The following SCHIP1 variants were observed in gnomAD, a reference collection of about 807,000 sequenced individuals.
SCHIP1 encodes schwannomin interacting protein 1, also known as schwannomin-interacting protein 1.
In SCHIP1, 8 loss-of-function variants were observed where a neutral mutation model predicts 29.7. The ratio of observed to expected loss-of-function variants is 0.27; its 90% CI spans 0.16 to 0.49. The LOEUF (loss-of-function observed/expected upper bound fraction) is 0.49. SCHIP1 is among the 20% of genes least tolerant of loss of function. The pLI is 0.99. For synonymous variants in SCHIP1, 76 were observed against 94.9 expected, an observed-to-expected ratio of 0.80 and a Z score of 1.16; for missense variants, 193 against 294.6, an observed-to-expected ratio of 0.66 and a Z score of 2.52.
the SCHIP1 span, among the ~76,000 whole-genome samples, chr3:159,627,055 G>A: frequency 1.3e-5 from 2 of 152,094 alleles, no homozygotes; most frequent in Admixed American, 6.6e-5. Flanking sequence ...ACGGGCCCCG[G>A]TGTGTGTTGT....
chr3:159,819,649 A>G, the SCHIP1 span, among the ~76,000 whole-genome samples: 2 of 152,242 alleles, frequency 1.3e-5, no homozygotes, highest in African/African-American at 4.8e-5. Flanking sequence ...TTCATAAGGA[A>G]TGTTTTCATA....
At chr3:159,747,450 T>C in the SCHIP1 span, among the ~76,000 whole-genome samples, 2 of 152,336 alleles carry the variant, frequency 1.3e-5, no homozygotes, top group South Asian at 4.1e-4. Flanking sequence ...TGTATTTACA[T>C]TCATTTATAT....
chr3:159,322,621 A>C, the SCHIP1 span, among the ~76,000 whole-genome samples: 13 of 152,334 alleles, frequency 8.5e-5, no homozygotes, highest in East Asian at 7.7e-4. Context: ...TTAGAAAGGA[A>C]TATCACTAGA....
chr3:159,605,989 A>G, the SCHIP1 span, among the ~76,000 whole-genome samples: 1 of 152,158 alleles, frequency 6.6e-6, no homozygotes, highest in African/African-American at 2.4e-5. Flanking sequence ...TCTTAAATCT[A>G]CACTACAGCT....
At chr3:159,652,281 T>C in the SCHIP1 span, among the ~76,000 whole-genome samples, 13 of 152,178 alleles carry the variant, frequency 8.5e-5, no homozygotes, top group Admixed American at 8.5e-4. Context: ...TAGTAAGGCA[T>C]TTTTTGCTAC....
At chr3:159,335,757 G>C in the SCHIP1 span, among the ~76,000 whole-genome samples, 1 of 152,104 alleles carries the variant, frequency 6.6e-6, no homozygotes, top group African/African-American at 2.4e-5. Context: ...TGGAAATTTG[G>C]GTTGGTTCCA....
At chr3:159,444,912 G>A in the SCHIP1 span, among the ~76,000 whole-genome samples, 1 of 152,122 alleles carries the variant, frequency 6.6e-6, no homozygotes, top group Non-Finnish European at 1.5e-5. Flanking sequence ...TGAGCTGGGG[G>A]AACATTAGAA....
the SCHIP1 span, among the ~76,000 whole-genome samples, chr3:159,652,459 C>A: frequency 3.3e-5 from 5 of 152,118 alleles, no homozygotes; most frequent in African/African-American, 1.2e-4. Context: ...GGGACCCAGA[C>A]CTGCCCTGTG....
the SCHIP1 span, among the ~76,000 whole-genome samples, chr3:159,642,896 G>A: frequency 4.6e-5 from 7 of 152,138 alleles, no homozygotes; most frequent in South Asian, 2.1e-4. Flanking sequence ...AGATGGCTGC[G>A]ATTCTATAGA....
At chr3:159,510,231 C>G in the SCHIP1 span, among the ~76,000 whole-genome samples, 1 of 152,162 alleles carries the variant, frequency 6.6e-6, no homozygotes, top group African/African-American at 2.4e-5. Flanking sequence ...TCTTCCTTCA[C>G]TGATACCCTT....
At chr3:159,828,396 C>CATATATATGTATATATATAT in the SCHIP1 span, among the ~76,000 whole-genome samples, 1 of 60,146 alleles carries the variant, frequency 1.7e-5, no homozygotes, top group African/African-American at 4.8e-5. Context: ...TACATATATA[C>CATATATATGTATATATATAT]GTATATATAT....
chr3:159,546,394 T>C, the SCHIP1 span, among the ~76,000 whole-genome samples: 2 of 152,112 alleles, frequency 1.3e-5, no homozygotes, highest in Non-Finnish European at 2.9e-5. Context: ...GCTAAGAAAA[T>C]ACCTTTTATT....
chr3:159,701,429 A>T, the SCHIP1 span, among the ~76,000 whole-genome samples: 1 of 152,178 alleles, frequency 6.6e-6, no homozygotes, highest in Non-Finnish European at 1.5e-5. Flanking sequence ...GTGTGATTTT[A>T]AATTTTCAAA....
chr3:159,586,567 G>A, the SCHIP1 span, among the ~76,000 whole-genome samples: 1 of 152,068 alleles, frequency 6.6e-6, no homozygotes, highest in Non-Finnish European at 1.5e-5. Flanking sequence ...TTTAAACGTA[G>A]CATCTTACAA....
At chr3:159,393,807 G>C in the SCHIP1 span, among the ~76,000 whole-genome samples, 2 of 151,762 alleles carry the variant, frequency 1.3e-5, no homozygotes, top group African/African-American at 2.4e-5. Context: ...GCTCTTTTTT[G>C]GTTCCATATG....
the SCHIP1 span, among the ~76,000 whole-genome samples, chr3:159,475,108 A>G: frequency 6.6e-6 from 1 of 152,164 alleles, no homozygotes; most frequent in Non-Finnish European, 1.5e-5. Flanking sequence ...GAAAACATAC[A>G]TCTATATAAA....
chr3:159,354,946 G>T, the SCHIP1 span, among the ~76,000 whole-genome samples: 1 of 152,160 alleles, frequency 6.6e-6, no homozygotes, highest in Non-Finnish European at 1.5e-5. Flanking sequence ...AACCTGTTAA[G>T]ATGCTAAATG....
At chr3:159,783,710 G>A in the SCHIP1 span, among the ~76,000 whole-genome samples, 2 of 152,170 alleles carry the variant, frequency 1.3e-5, no homozygotes, top group Non-Finnish European at 2.9e-5. Context: ...TAATGAATTA[G>A]TGTTAAACTT....
chr3:159,844,771 G>T (rs889832770), intron 1 of SCHIP1, among the ~76,000 whole-genome samples: 1 of 152,206 alleles, frequency 6.6e-6, no homozygotes, highest in Non-Finnish European at 1.5e-5. Flanking sequence ...TGGGATAAGT[G>T]TGTATATAAA....
Sources: gnomAD v4.1 joint callset for allele counts (sites outside exome capture counted in the v4.1 genomes callset) on GRCh38, gnomAD v4.1.1 for gene constraint, MANE v1.5 for transcripts, NCBI Gene and HGNC (gene_info 2026-07-23, HGNC 2026-07-21) for gene names.